MRO: variants seen among roughly 807,000 people sequenced by gnomAD.
MRO encodes the protein maestro.
MRO carries 28 observed loss-of-function variants against 31.0 expected under a neutral mutation model. The observed-to-expected ratio is 0.90, with a 90% CI of 0.67 to 1.24. The LOEUF (loss-of-function observed/expected upper bound fraction) is 1.24. Ranked by LOEUF, MRO falls within the 50% of genes most tolerant of loss-of-function variation. MRO has a pLI of 0.00. For synonymous variants in MRO, 108 were observed against 108.4 expected (o/e 1.00, Z 0.02); for missense variants, 332 against 289.2 (o/e 1.15, Z -1.07).
chr18:50,818,551 T>C (rs1437031109), intron 2 of MRO, among the ~76,000 whole-genome samples: 3 of 152,184 alleles, frequency 2.0e-5, no homozygotes, highest in Non-Finnish European at 4.4e-5. Flanking sequence ...GTTTTATGCT[T>C]TACACTGACT....
chr18:50,819,473 C>T (rs542416190), intron 2 of MRO, 108 bp downstream of exon 2: 31 of 1,474,918 alleles, frequency 2.1e-5, no homozygotes, highest in Non-Finnish European at 2.7e-5. Flanking sequence ...AGAGGTCGAG[C>T]TCCCATACTG....
chr18:50,819,760 C>G, intron 1 of MRO, 58 bp from the exon 2 acceptor site: 6 of 1,547,238 alleles, frequency 3.9e-6, no homozygotes, highest in Non-Finnish European at 5.2e-6. Context: ...GATAACGGGT[C>G]GGCACAGAGT....
At chr18:50,822,103 A>G (rs563349524), upstream of MRO, among the ~76,000 whole-genome samples, 1 of 152,346 alleles carries the variant, frequency 6.6e-6, no homozygotes, top group East Asian at 1.9e-4. Flanking sequence ...AAAAGAACAC[A>G]CCATAATTAT....
At chr18:50,824,812 C>T (rs1328810031), upstream of MRO, among the ~76,000 whole-genome samples, 2 of 150,222 alleles carry the variant, frequency 1.3e-5, no homozygotes, top group Admixed American at 6.6e-5. Context: ...CAGTGGCTCA[C>T]GCCTATAATC....
chr18:50,810,649 C>T (rs938949728), intron 2 of MRO, among the ~76,000 whole-genome samples: 2 of 152,158 alleles, frequency 1.3e-5, no homozygotes, highest in Non-Finnish European at 2.9e-5. Context: ...ATGTAGCTTA[C>T]CAAGTGATTC....
intron 2 of MRO, among the ~76,000 whole-genome samples, chr18:50,818,151 C>T (rs1365837251): frequency 6.6e-6 from 1 of 152,098 alleles, no homozygotes; most frequent in Admixed American, 6.6e-5. Flanking sequence ...TGTGAATGAA[C>T]GTAGTATACA....
At chr18:50,820,568 T>C (rs1915266185), upstream of MRO, among the ~76,000 whole-genome samples, 1 of 152,240 alleles carries the variant, frequency 6.6e-6, no homozygotes, top group Non-Finnish European at 1.5e-5. Context: ...GTTATGCTAA[T>C]AGATAACATT....
chr18:50,809,407 AAAAAC>A lies in MRO; in HGVS notation c.-4-8_-4-4del. ...TCCTCTGTCTTTGGTCCATGGAACT[AAAAAC>A]AAAACAAAACAAAATCACATGCGCC... On this transcript the variant is annotated splice_polypyrimidine_tract_variant and splice_region_variant and intron_variant, in intron 2 of 7. Coordinates refer to ENST00000398439, the MANE Select transcript of MRO (RefSeq NM_031939.6). The A allele has an allele frequency of 1.9e-6, 3 of 1,605,230 alleles. No individual in the cohort carries two copies. Among genetic ancestry groups the A allele is most frequent in the African/African-American group, 1.3e-5 (1 of 74,698 alleles).
At chr18:50,812,931 C>G (rs531503944) in intron 2 of MRO, among the ~76,000 whole-genome samples, 1 of 152,270 alleles carries the variant, frequency 6.6e-6, no homozygotes, top group South Asian at 2.1e-4. Flanking sequence ...AGTCACTGAA[C>G]TACAGTGACC....
intron 3 of MRO, among the ~76,000 whole-genome samples, chr18:50,808,774 T>C (rs1488108347): frequency 6.6e-6 from 1 of 151,726 alleles, no homozygotes; most frequent in Non-Finnish European, 1.5e-5. Context: ...ATTTGTATTA[T>C]TGAGTTAGCA....
chr18:50,796,772 T>G lies in MRO; in HGVS notation c.*2565A>C, dbSNP rs904237101. 3 of 152,232 alleles carry G rather than the reference T, an allele frequency of 2.0e-5. No individual in the cohort carries two copies. Among genetic ancestry groups the G allele is most frequent in the Non-Finnish European group, 4.4e-5 (3 of 68,040 alleles). The allele number at this position is 152,232 out of a possible 1,614,324, so 9.4% of individuals were successfully genotyped here. On this transcript the variant is annotated 3_prime_UTR_variant, in exon 8 of 8. Transcript: ENST00000398439. ...AGGTTGAAAGCCTGAAATGGCAGAC[T>G]GGACATTGGACTTTATTCCCTCTAC...
chr18:50,813,668 G>T (rs1210830478), intron 2 of MRO, among the ~76,000 whole-genome samples: 1 of 152,196 alleles, frequency 6.6e-6, no homozygotes, highest in East Asian at 1.9e-4. Flanking sequence ...AGAATAAAGG[G>T]ATTTTAAAAT....
At chr18:50,810,853 T>A (rs1343158722) in intron 2 of MRO, among the ~76,000 whole-genome samples, 2 of 152,248 alleles carry the variant, frequency 1.3e-5, no homozygotes, top group Admixed American at 1.3e-4. Flanking sequence ...TTTGTTTTTT[T>A]AATTATTATT....
In MRO at chr18:50,798,144, G is replaced by A. The variant is rs1912944950; in HGVS notation, c.*1193C>T. On this transcript the variant is annotated 3_prime_UTR_variant, in exon 8 of 8. Coordinates refer to ENST00000398439, the MANE Select transcript of MRO (RefSeq NM_031939.6). ...GGTACCAGAGTTTCTATAGAAGCTT[G>A]GGATGCAATCTGGTTAGAGGGAGGG... The A allele has an allele frequency of 6.6e-6, 1 of 152,126 alleles. No individual in the cohort carries two copies. 9.4% of individuals were successfully genotyped at this position (152,126 alleles called of 1,614,324 possible). A position where few individuals can be genotyped will look rare whatever the true frequency, so the allele number is the denominator to read the frequency against.
chr18:50,809,514 G>GAC, intron 2 of MRO, 110 bp from the exon 3 acceptor site: 1 of 675,280 alleles, frequency 1.5e-6, no homozygotes, highest in Non-Finnish European at 2.4e-6. Flanking sequence ...CAGCAATCCT[G>GAC]AGGCCTGTCT....
At chr18:50,801,041 T>C (rs1913261395) in intron 6 of MRO, among the ~76,000 whole-genome samples, 1 of 152,068 alleles carries the variant, frequency 6.6e-6, no homozygotes, top group South Asian at 2.1e-4. Context: ...TGAATAAATA[T>C]CCTCATTATG....
intron 2 of MRO, among the ~76,000 whole-genome samples, chr18:50,814,109 G>A (rs997020040): frequency 6.6e-6 from 1 of 152,278 alleles, no homozygotes; most frequent in East Asian, 1.9e-4. Flanking sequence ...CAGGTCAGAT[G>A]CTCCAGATCA....
rs2849256 is a variant in MRO at position 50,798,932 on chromosome 18, C to A, written c.*405G>T. 124,417 of 152,284 alleles carry A rather than the reference C, an allele frequency of 0.82. 51,058 individuals are homozygous for A. The highest frequency in any genetic ancestry group is 0.93 in the East Asian group (4,814 of 5,190). The allele number at this position is 152,284 out of a possible 1,614,324, so 9.4% of individuals were successfully genotyped here. On this transcript the variant is annotated 3_prime_UTR_variant, in exon 8 of 8. Transcript: ENST00000398439. ...CTAAAAAAAAACAAAACAACAACAA[C>A]AAAAAAACAAAAAAACGCTTAAGGT...
At chr18:50,809,158 A>C (rs556449501) in intron 3 of MRO, 144 bp downstream of exon 3, 50 of 347,420 alleles carry the variant, frequency 1.4e-4, no homozygotes, top group East Asian at 1.4e-3. Context: ...AAAAAAAAAA[A>C]AAAAAAAAAA....
Sources: gnomAD v4.1 joint callset for allele counts (sites outside exome capture counted in the v4.1 genomes callset) on GRCh38, gnomAD v4.1.1 for gene constraint, MANE v1.5 for transcripts, NCBI Gene and HGNC (gene_info 2026-07-23, HGNC 2026-07-21) for gene names.